The following HDLBP variants were observed in gnomAD, a reference collection of about 807,000 sequenced individuals.
The protein encoded by HDLBP is high density lipoprotein binding protein, also known as vigilin.
A neutral mutation model predicts 137.3 loss-of-function variants in HDLBP; 30 were observed. The observed-to-expected ratio is 0.22, with a 90% CI of 0.16 to 0.30. HDLBP has a LOEUF of 0.30. HDLBP is among the 10% of genes least tolerant of loss of function. HDLBP has a pLI of 1.00. For missense variants in HDLBP, 1,119 were observed against 1,667.3 expected (o/e 0.67, Z 5.73); for synonymous variants, 606 against 596.0 (o/e 1.02, Z -0.24).
chr2:241,285,757 G>A (rs1212046816), intron 1 of HDLBP, among the ~76,000 whole-genome samples: 2 of 152,170 alleles, frequency 1.3e-5, no homozygotes, highest in African/African-American at 4.8e-5. Context: ...GGCTGGACAT[G>A]GTGACTCATG....
At position 241,272,120 on chromosome 2, in the gene HDLBP, T is replaced by G; in HGVS notation, c.-102-3579A>C. 1 of 912,866 alleles carries G rather than the reference T, an allele frequency of 1.1e-6. No individual in the cohort carries two copies. The highest frequency in any genetic ancestry group is 1.3e-6 in the Non-Finnish European group (1 of 763,474). The allele number at this position is 912,866 out of a possible 1,614,324, so 56.5% of individuals were successfully genotyped here. A position where few individuals can be genotyped will look rare whatever the true frequency, so the allele number is the denominator to read the frequency against. ...CCACGACCCTGGGGCACGTCCAAGT[T>G]GCACTCCAGGCCCAAGAAGAGCAGC... On this transcript the variant is annotated intron_variant, in intron 1 of 27. Coordinates refer to ENST00000310931, the MANE Select transcript of HDLBP (RefSeq NM_005336.6). This position sits in a 1 kb window ranked among gnomAD's most constrained non-coding sequence, Gnocchi z 5.6.
At chr2:241,284,974 G>A (rs907949232) in intron 1 of HDLBP, among the ~76,000 whole-genome samples, 7 of 152,158 alleles carry the variant, frequency 4.6e-5, no homozygotes, top group African/African-American at 4.8e-5. Context: ...TCCACCTCCC[G>A]GGTTCAAGTG....
intron 11 of HDLBP, among the ~76,000 whole-genome samples, chr2:241,251,796 G>A (rs2072206970): frequency 1.3e-5 from 2 of 152,164 alleles, no homozygotes; most frequent in South Asian, 4.1e-4. Context: ...ACAACATGGT[G>A]AAATTCCATC....
intron 9 of HDLBP, among the ~76,000 whole-genome samples, chr2:241,254,103 G>GT (rs2072421917): frequency 1.3e-5 from 2 of 152,046 alleles, no homozygotes. Flanking sequence ...TGGGCAACTA[G>GT]TAAGACTCTG....
Position 241,230,628 on chromosome 2 carries a change from G to C in HDLBP, c.3474+131C>G, listed in dbSNP as rs1458625691. On this transcript the variant is annotated intron_variant, in intron 25 of 27. Coordinates refer to ENST00000310931, the MANE Select transcript of HDLBP (RefSeq NM_005336.6). The surrounding 1 kb of genome is among the most constrained non-coding windows in gnomAD (Gnocchi z 5.0). ...CTGACCCGTGGTGTCCATGAGGACA[G>C]TTCCACTGCCAGCCCTGGGGTTGTG... is the stretch of plus-strand genomic sequence containing the variant. 1.3e-6 allele frequency: 1 copy of C among 795,326 alleles called. No individual in the cohort carries two copies. Among genetic ancestry groups the C allele is most frequent in the Non-Finnish European group, 2.0e-6 (1 of 490,976 alleles). The allele number at this position is 795,326 out of a possible 1,614,324, so 49.3% of individuals were successfully genotyped here.
chr2:241,276,425 G>T (rs866604491), intron 1 of HDLBP, among the ~76,000 whole-genome samples: 1 of 152,048 alleles, frequency 6.6e-6, no homozygotes, highest in Admixed American at 6.5e-5. Context: ...CAAGAAAAAA[G>T]AATAGGAGGC....
At chr2:241,257,279 C>A (rs2072713458) in intron 5 of HDLBP, among the ~76,000 whole-genome samples, 1 of 152,180 alleles carries the variant, frequency 6.6e-6, no homozygotes, top group Non-Finnish European at 1.5e-5. Context: ...TGACGTCAGG[C>A]TGGAGTGCAG....
At chr2:241,246,714 T>C (rs1462622919) in intron 16 of HDLBP, 38 bp downstream of exon 16, 1 of 1,600,044 alleles carries the variant, frequency 6.2e-7, no homozygotes, top group Non-Finnish European at 8.5e-7. Flanking sequence ...GTTAGAGATT[T>C]TACTGGAGGA....
At chr2:241,237,521 G>T (rs1450057248) in intron 20 of HDLBP, among the ~76,000 whole-genome samples, 2 of 152,104 alleles carry the variant, frequency 1.3e-5, no homozygotes, top group Non-Finnish European at 2.9e-5. Flanking sequence ...TGAAATCAAG[G>T]GTGATCCTAG....
intron 5 of HDLBP, among the ~76,000 whole-genome samples, chr2:241,257,821 A>G (rs981895284): frequency 6.6e-6 from 1 of 152,248 alleles, no homozygotes; most frequent in Non-Finnish European, 1.5e-5. Flanking sequence ...CCTAGACATT[A>G]AACATGAAAC....
chr2:241,235,873 C>G (rs947685032), intron 21 of HDLBP, among the ~76,000 whole-genome samples: 1 of 152,210 alleles, frequency 6.6e-6, no homozygotes, highest in Non-Finnish European at 1.5e-5. Flanking sequence ...AGGAGAGGCC[C>G]TGACTCCTGG....
At chr2:241,315,080 C>T (rs933350971) in intron 1 of HDLBP, 2 of 152,028 alleles carry the variant, frequency 1.3e-5, no homozygotes, top group African/African-American at 4.8e-5. Context: ...CGTGGGCTCG[C>T]GGAGCACTCC....
chr2:241,294,913 C>G (rs1466333859), intron 1 of HDLBP, among the ~76,000 whole-genome samples: 1 of 152,130 alleles, frequency 6.6e-6, no homozygotes, highest in Non-Finnish European at 1.5e-5. Context: ...CCAGCCTGGT[C>G]AACATGGTGA....
chr2:241,248,656 A>C (rs1220290475), intron 12 of HDLBP, among the ~76,000 whole-genome samples: 1 of 152,168 alleles, frequency 6.6e-6, no homozygotes, highest in Non-Finnish European at 1.5e-5. Flanking sequence ...GATAGCAGTA[A>C]TCACCAAAGC....
At chr2:241,308,911 C>T (rs1448322218) in intron 1 of HDLBP, among the ~76,000 whole-genome samples, 1 of 152,158 alleles carries the variant, frequency 6.6e-6, no homozygotes. Flanking sequence ...GCTAGGAGCC[C>T]CGGCTTCTTC....
chr2:241,236,865 C>T, intron 20 of HDLBP, 96 bp from the exon 21 acceptor site: 3 of 1,328,502 alleles, frequency 2.3e-6, no homozygotes, highest in African/African-American at 1.5e-5. Context: ...CTGCTGGGTG[C>T]TGGGTGGTAA....
chr2:241,262,344 G>A (rs1392853840), intron 5 of HDLBP, among the ~76,000 whole-genome samples: 1 of 152,176 alleles, frequency 6.6e-6, no homozygotes, highest in South Asian at 2.1e-4. Flanking sequence ...AGCTAACTGG[G>A]AGGCTAGGTG....
chr2:241,248,928 C>T (rs140584186), intron 12 of HDLBP, among the ~76,000 whole-genome samples: 1 of 152,218 alleles, frequency 6.6e-6, no homozygotes, highest in Admixed American at 6.5e-5. Context: ...CAACAGCCAA[C>T]CAAACATTTC....
chr2:241,271,071 C>A, intron 1 of HDLBP: 1 of 985,440 alleles, frequency 1.0e-6, no homozygotes, highest in Non-Finnish European at 1.2e-6. Flanking sequence ...TCTACAACTT[C>A]TTTCCCCTTT....
Sources: allele counts gnomAD v4.1 joint callset (sites outside exome capture counted in the v4.1 genomes callset), GRCh38; gene constraint gnomAD v4.1.1; non-coding constraint Gnocchi (gnomAD v3.1); transcripts MANE v1.5; gene names NCBI Gene and HGNC (gene_info 2026-07-23, HGNC 2026-07-21).